The following KIAA1549L variants were observed in gnomAD, a reference collection of about 807,000 sequenced individuals.
KIAA1549L encodes KIAA1549 like.
KIAA1549L carries 88 observed loss-of-function variants against 160.7 expected under a neutral mutation model. The observed-to-expected ratio is 0.55, with a 90% CI of 0.46 to 0.65. KIAA1549L has a LOEUF of 0.65. Among genes scored for constraint, KIAA1549L ranks in the 30% least tolerant of loss-of-function variants. KIAA1549L has a pLI of 0.00. For synonymous variants in KIAA1549L, 950 were observed against 976.7 expected (o/e 0.97, Z 0.51); for missense variants, 2,258 against 2,437.5 (o/e 0.93, Z 1.55).
chr11:33,634,286 A>AC (rs397959440), intron 16 of KIAA1549L, among the ~76,000 whole-genome samples: 1 of 70,494 alleles, frequency 1.4e-5, no homozygotes, highest in Non-Finnish European at 2.8e-5. Flanking sequence ...CAAGTGATCC[A>AC]CCCACCTCGG....
At chr11:33,618,121 G>C (rs558363975) in intron 15 of KIAA1549L, among the ~76,000 whole-genome samples, 1 of 152,198 alleles carries the variant, frequency 6.6e-6, no homozygotes, top group Non-Finnish European at 1.5e-5. Flanking sequence ...AGAATCCTGC[G>C]TGTGAAACCA....
intron 1 of KIAA1549L, among the ~76,000 whole-genome samples, chr11:33,399,740 A>AT (rs35023368): frequency 2.0e-5 from 3 of 151,964 alleles, no homozygotes; most frequent in South Asian, 2.1e-4. Context: ...GGCTTTTTTA[A>AT]TTTTTTTTAA....
At chr11:33,553,650 AGT>A (rs1459671445) in intron 6 of KIAA1549L, among the ~76,000 whole-genome samples, 1 of 152,162 alleles carries the variant, frequency 6.6e-6, no homozygotes, top group Non-Finnish European at 1.5e-5. Flanking sequence ...TTATGTAAGG[AGT>A]GTGACTCAGC....
At chr11:33,538,365 G>A (rs1853940206) in intron 1 of KIAA1549L, among the ~76,000 whole-genome samples, 1 of 152,198 alleles carries the variant, frequency 6.6e-6, no homozygotes, top group African/African-American at 2.4e-5. Context: ...AGTACCACCA[G>A]GGATCTCCTC....
At chr11:33,568,338 A>G (rs1181588448) in intron 9 of KIAA1549L, 111 bp downstream of exon 9, 2 of 1,006,540 alleles carry the variant, frequency 2.0e-6, no homozygotes, top group East Asian at 5.8e-5. Flanking sequence ...CATGCTGCCA[A>G]CTGACTAAGC....
chr11:33,490,000 A>G (rs1302326299), intron 1 of KIAA1549L, among the ~76,000 whole-genome samples: 2 of 152,200 alleles, frequency 1.3e-5, no homozygotes, highest in African/African-American at 4.8e-5. Context: ...AGTTGTAAGA[A>G]TTCAGACATA....
chr11:33,547,326 C>T (rs560586707), intron 3 of KIAA1549L, among the ~76,000 whole-genome samples: 10 of 152,352 alleles, frequency 6.6e-5, no homozygotes, highest in African/African-American at 1.9e-4. Context: ...TCCCAAATAC[C>T]TGTTCTCTGT....
chr11:33,645,290 A>C (rs11032328), intron 16 of KIAA1549L, among the ~76,000 whole-genome samples: 4,302 of 152,252 alleles, frequency 0.028, 104 homozygotes, highest in African/African-American at 0.058. Flanking sequence ...TGAATCTAGA[A>C]TGCTACCCCT....
chr11:33,621,660 A>C (rs1398543906), intron 16 of KIAA1549L, among the ~76,000 whole-genome samples: 1 of 151,472 alleles, frequency 6.6e-6, no homozygotes, highest in Non-Finnish European at 1.5e-5. Context: ...GCAGTAAGGA[A>C]AAGAAAAAAA....
At chr11:33,434,074 C>G (rs1004881425) in intron 1 of KIAA1549L, among the ~76,000 whole-genome samples, 2 of 148,186 alleles carry the variant, frequency 1.3e-5, no homozygotes, top group Admixed American at 1.4e-4. Flanking sequence ...GAAATAAAGC[C>G]CCCCCCGCCA....
chr11:33,448,152 A>C (rs1164901886), intron 1 of KIAA1549L, among the ~76,000 whole-genome samples: 2 of 152,186 alleles, frequency 1.3e-5, no homozygotes, highest in African/African-American at 4.8e-5. Flanking sequence ...GTGGGTATAC[A>C]TGTGCCATGG....
chr11:33,399,264 T>C (rs1261325804), intron 1 of KIAA1549L, among the ~76,000 whole-genome samples: 1 of 152,114 alleles, frequency 6.6e-6, no homozygotes, highest in East Asian at 1.9e-4. Context: ...AGTTAGTGTT[T>C]ATAATGTCAT....
At chr11:33,416,012 G>A (rs1850880728) in intron 1 of KIAA1549L, among the ~76,000 whole-genome samples, 1 of 152,034 alleles carries the variant, frequency 6.6e-6, no homozygotes, top group African/African-American at 2.4e-5. Context: ...ACTGCAGGCT[G>A]GGTGACAGAA....
At chr11:33,507,324 T>C (rs1853114418) in intron 1 of KIAA1549L, among the ~76,000 whole-genome samples, 1 of 152,134 alleles carries the variant, frequency 6.6e-6, no homozygotes, top group African/African-American at 2.4e-5. Flanking sequence ...AGCTTAAGAT[T>C]AGTGGATACA....
At chr11:33,560,002 C>T (rs1438130841) in intron 7 of KIAA1549L, 91 bp downstream of exon 7, 4 of 1,034,208 alleles carry the variant, frequency 3.9e-6, no homozygotes, top group Non-Finnish European at 5.5e-6. Flanking sequence ...CCACATACTA[C>T]CACCTTTATC....
chr11:33,393,564 A>G (rs1186511518), intron 1 of KIAA1549L, among the ~76,000 whole-genome samples: 2 of 152,212 alleles, frequency 1.3e-5, no homozygotes, highest in Non-Finnish European at 2.9e-5. Context: ...AGAAGAAACA[A>G]TGAGCTAAGT....
At chr11:33,580,926 A>G (rs1211625163) in intron 10 of KIAA1549L, among the ~76,000 whole-genome samples, 1 of 152,196 alleles carries the variant, frequency 6.6e-6, no homozygotes, top group Non-Finnish European at 1.5e-5. Flanking sequence ...TCAAGAAGAG[A>G]ATCACTGAGG....
chr11:33,469,661 C>T (rs1852137478), intron 1 of KIAA1549L, among the ~76,000 whole-genome samples: 1 of 152,224 alleles, frequency 6.6e-6, no homozygotes, highest in Non-Finnish European at 1.5e-5. Flanking sequence ...ATTCTGATTT[C>T]TCCACATCCT....
At chr11:33,564,953 G>A (rs550691017) in intron 8 of KIAA1549L, among the ~76,000 whole-genome samples, 1 of 152,226 alleles carries the variant, frequency 6.6e-6, no homozygotes, top group Non-Finnish European at 1.5e-5. Context: ...AGGAATAAGA[G>A]AACAGCGATG....
Sources: gnomAD v4.1 joint callset for allele counts (sites outside exome capture counted in the v4.1 genomes callset) on GRCh38, gnomAD v4.1.1 for gene constraint, MANE v1.5 for transcripts, NCBI Gene and HGNC (gene_info 2026-07-23, HGNC 2026-07-21) for gene names.